Variants in PDE1C observed in about 807,000 individuals in gnomAD.
PDE1C encodes dual specificity calcium/calmodulin-dependent 3',5'-cyclic nucleotide phosphodiesterase 1C.
Under a neutral mutation model 93.1 loss-of-function variants are expected in PDE1C, and 62 were observed. The ratio of observed to expected loss-of-function variants is 0.67; its 90% CI spans 0.54 to 0.82. The LOEUF (loss-of-function observed/expected upper bound fraction) is 0.82, where lower values mean the gene tolerates loss of function less well. PDE1C is among the 40% of genes least tolerant of loss of function. The pLI, the probability that PDE1C is intolerant of heterozygous loss-of-function variation, is 0.00. For missense variants in PDE1C, 742 were observed against 884.6 expected (o/e 0.84, Z 2.04); for synonymous variants, 325 against 310.1 (o/e 1.05, Z -0.50).
At chr7:32,375,285 G>A (rs138257517) in intron 1 of PDE1C, among the ~76,000 whole-genome samples, 12 of 152,244 alleles carry the variant, frequency 7.9e-5, no homozygotes, top group Admixed American at 1.3e-4. Context: ...GCAGGAAGGC[G>A]CAGGGCAGAA....
chr7:32,183,673 C>T (rs140691483), intron 2 of PDE1C, among the ~76,000 whole-genome samples: 11,133 of 152,124 alleles, frequency 0.073, 627 homozygotes, highest in East Asian at 0.33. Flanking sequence ...AAGACTTAAA[C>T]GTTAGACCTA....
the PDE1C span, among the ~76,000 whole-genome samples, chr7:31,690,682 T>A: frequency 2.0e-3 from 312 of 152,276 alleles, 2 homozygotes; most frequent in African/African-American, 7.1e-3. Context: ...AGAACAGCCA[T>A]AGGATCCAAG....
intron 7 of PDE1C, among the ~76,000 whole-genome samples, chr7:31,859,131 AC>A (rs1794372251): frequency 6.7e-6 from 1 of 149,294 alleles, no homozygotes; most frequent in Non-Finnish European, 1.5e-5. Flanking sequence ...ATATATATAT[AC>A]TATATATATA....
At chr7:31,619,689 G>A in the PDE1C span, among the ~76,000 whole-genome samples, 3 of 152,198 alleles carry the variant, frequency 2.0e-5, no homozygotes, top group East Asian at 2.0e-4. Context: ...CGCAGAAGAC[G>A]GGTGATTTCT....
At chr7:32,341,816 T>C (rs1367631040) in intron 1 of PDE1C, among the ~76,000 whole-genome samples, 2 of 152,190 alleles carry the variant, frequency 1.3e-5, no homozygotes, top group East Asian at 1.9e-4. Context: ...AGCTTGGTGG[T>C]TGGGCTCAAG....
chr7:32,169,716 C>T, intron 3 of PDE1C: 1 of 1,295,704 alleles, frequency 7.7e-7, no homozygotes, highest in South Asian at 1.2e-5. Flanking sequence ...ACTGACTATG[C>T]ATCTAACTGG....
At chr7:31,936,798 C>T (rs993293045) in intron 2 of PDE1C, among the ~76,000 whole-genome samples, 2 of 152,092 alleles carry the variant, frequency 1.3e-5, no homozygotes, top group African/African-American at 4.8e-5. Context: ...TGAGGCATGT[C>T]TCAATCAGTT....
At chr7:31,898,391 A>T (rs1799576835) in intron 2 of PDE1C, among the ~76,000 whole-genome samples, 1 of 152,214 alleles carries the variant, frequency 6.6e-6, no homozygotes, top group Admixed American at 6.5e-5. Context: ...TACAAAATTT[A>T]TTTGATAGTA....
chr7:31,998,031 T>TA (rs1784958588), intron 2 of PDE1C, among the ~76,000 whole-genome samples: 1 of 125,700 alleles, frequency 8.0e-6, no homozygotes, highest in Non-Finnish European at 2.0e-5. Context: ...TATTTATTTA[T>TA]TTTTTTGAGA....
intron 3 of PDE1C, among the ~76,000 whole-genome samples, chr7:32,117,882 A>C (rs1405881255): frequency 6.6e-6 from 1 of 152,220 alleles, no homozygotes; most frequent in Non-Finnish European, 1.5e-5. Context: ...TCATCAGCCA[A>C]AAGAATTCAG....
At chr7:32,068,915 G>A (rs893977293) in intron 1 of PDE1C, among the ~76,000 whole-genome samples, 70 of 152,080 alleles carry the variant, frequency 4.6e-4, no homozygotes, top group Admixed American at 4.4e-3. Context: ...ACAATCGGAC[G>A]TAATGTTCAC....
chr7:32,322,937 G>T (rs910430418), intron 1 of PDE1C, among the ~76,000 whole-genome samples: 3 of 152,096 alleles, frequency 2.0e-5, no homozygotes, highest in Admixed American at 6.6e-5. Flanking sequence ...TTTACAAAAA[G>T]ACAGATGTAA....
chr7:31,880,968 T>C (rs1431636322), intron 2 of PDE1C, 108 bp from the exon 3 acceptor site: 2 of 725,938 alleles, frequency 2.8e-6, no homozygotes, highest in African/African-American at 1.8e-5. Flanking sequence ...CTTATTCTGA[T>C]ACATCTGAAA....
rs1789198201 is a variant in PDE1C, at chr7:31,823,178, G to C, written c.1477C>G (p.Pro493Ala). The C allele has an allele frequency of 2.5e-6, 4 of 1,613,226 alleles. No homozygotes were observed. Among genetic ancestry groups the C allele is most frequent in the Admixed American group, 1.7e-5 (1 of 59,930 alleles). ...ACGGAGATGACAGAATTGTTGATCGGGGCACTTCCCTCTGAACCAGAGGTC... is the reference window on the plus strand; with the variant it reads ...ACGGAGATGACAGAATTGTTGATCGCGGCACTTCCCTCTGAACCAGAGGTC... ...VKTSGSEGSA[P>A]INNSVISVDY... Residue 493 changes from proline to alanine, a missense_variant, in exon 14 of 18, where the codon CCG becomes GCG. Physicochemically the swap from Pro to Ala is conservative, Grantham distance 27. Around this residue, in one of 4 missense-constraint regions of PDE1C, gnomAD observed 454 missense variants for 459.4 expected, o/e 0.99. Transcript: ENST00000396191.
intron 2 of PDE1C, among the ~76,000 whole-genome samples, chr7:31,985,594 C>T (rs1783279045): frequency 6.6e-6 from 1 of 151,968 alleles, no homozygotes; most frequent in African/African-American, 2.4e-5. Context: ...CCGACAGGTC[C>T]CAGTGTGTGA....
At chr7:32,077,624 T>G (rs1194768206) in intron 3 of PDE1C, among the ~76,000 whole-genome samples, 2 of 152,086 alleles carry the variant, frequency 1.3e-5, no homozygotes. Flanking sequence ...CAGGCTGGAG[T>G]GCAGTGGTGT....
intron 3 of PDE1C, among the ~76,000 whole-genome samples, chr7:32,083,531 C>T (rs1479367738): frequency 6.6e-6 from 1 of 152,062 alleles, no homozygotes; most frequent in Non-Finnish European, 1.5e-5. Context: ...AGAAGAGCAA[C>T]TCCAAGACAC....
chr7:32,321,216 A>G (rs1198873174), intron 1 of PDE1C, among the ~76,000 whole-genome samples: 1 of 152,226 alleles, frequency 6.6e-6, no homozygotes, highest in Non-Finnish European at 1.5e-5. Context: ...CTTTTGTGAT[A>G]CAGCCTCTCT....
rs1054145463 is a variant in PDE1C at position 31,854,164 on chromosome 7, A to G, written c.751-3423T>C. 3.3e-5 allele frequency among the ~76,000 whole-genome samples: 5 copies of G among 152,140 alleles called. No individual in the cohort carries two copies. The East Asian group carries it at 7.7e-4, about 23-fold the overall frequency. On this transcript the variant is annotated intron_variant, in intron 7 of 17. Transcript: ENST00000396191. Reference sequence around the variant, plus strand: ...TGAGGTTGCAGTTAAGGAGAACAATATGTTAGATGACCTCAACACTCCTAG... The same window carrying G: ...TGAGGTTGCAGTTAAGGAGAACAATGTGTTAGATGACCTCAACACTCCTAG...
Sources: allele counts gnomAD v4.1 joint callset (sites outside exome capture counted in the v4.1 genomes callset), GRCh38; gene constraint gnomAD v4.1.1; regional missense constraint gnomAD v4.1.1; transcripts MANE v1.5; gene names NCBI Gene and HGNC (gene_info 2026-07-23, HGNC 2026-07-21).